Variants in FRMPD2 observed in about 807,000 individuals in gnomAD.
FRMPD2 encodes the protein FERM and PDZ domain-containing protein 2.
Under a neutral mutation model 140.1 loss-of-function variants are expected in FRMPD2, and 96 were observed. That is an observed-to-expected ratio of 0.69 (90% CI 0.58 to 0.81). The LOEUF (loss-of-function observed/expected upper bound fraction) is 0.81, where lower values mean the gene tolerates loss of function less well. FRMPD2 is among the 40% of genes least tolerant of loss of function. The pLI is 0.00. For missense variants in FRMPD2, 1,240 were observed against 1,447.4 expected (o/e 0.86, Z 2.32); for synonymous variants, 449 against 547.6 (o/e 0.82, Z 2.52).
intron 15 of FRMPD2, among the ~76,000 whole-genome samples, chr10:48,200,189 T>C (rs994798337): frequency 1.5e-5 from 2 of 137,592 alleles, no homozygotes; most frequent in African/African-American, 5.6e-5. Context: ...AATAAATAAA[T>C]AAATAAATAA....
chr10:48,216,989 G>C (rs1021705509), intron 12 of FRMPD2, among the ~76,000 whole-genome samples: 1 of 152,206 alleles, frequency 6.6e-6, no homozygotes, highest in African/African-American at 2.4e-5. Context: ...AAAGGGCAGG[G>C]AGGAGGTTAA....
intron 9 of FRMPD2, among the ~76,000 whole-genome samples, chr10:48,232,759 C>A (rs1418709500): frequency 6.6e-6 from 1 of 152,198 alleles, no homozygotes; most frequent in African/African-American, 2.4e-5. Flanking sequence ...TGGGTGGGTG[C>A]AGATCCAATG....
intron 1 of FRMPD2, among the ~76,000 whole-genome samples, chr10:48,270,249 G>C (rs997713366): frequency 2.0e-5 from 3 of 152,174 alleles, no homozygotes; most frequent in Non-Finnish European, 2.9e-5. Flanking sequence ...GGGCTTCGAT[G>C]ATGAGCGCTC....
intron 1 of FRMPD2, among the ~76,000 whole-genome samples, chr10:48,258,978 T>C (rs1840533267): frequency 6.6e-6 from 1 of 152,224 alleles, no homozygotes. Flanking sequence ...TTTAGAAACA[T>C]GTAAAGTCTA....
At chr10:48,214,856 C>A (rs1395482596) in intron 12 of FRMPD2, among the ~76,000 whole-genome samples, 1 of 152,202 alleles carries the variant, frequency 6.6e-6, no homozygotes, top group East Asian at 1.9e-4. Flanking sequence ...ACTGGGAAGG[C>A]ATGGCAGGCT....
chr10:48,222,507 T>C (rs1315987303), intron 11 of FRMPD2, 56 bp from the exon 12 acceptor site: 2 of 1,587,730 alleles, frequency 1.3e-6, no homozygotes, highest in East Asian at 2.2e-5. Flanking sequence ...GGGAGAATGT[T>C]AGCACCAGTG....
At chr10:48,164,191 C>G (rs1265361436) in intron 27 of FRMPD2, among the ~76,000 whole-genome samples, 1 of 150,602 alleles carries the variant, frequency 6.6e-6, no homozygotes, top group Non-Finnish European at 1.5e-5. Flanking sequence ...GCTGCCACTG[C>G]TTGACCTTCT....
intron 10 of FRMPD2, among the ~76,000 whole-genome samples, chr10:48,230,255 A>G (rs1839820762): frequency 6.6e-6 from 1 of 152,168 alleles, no homozygotes; most frequent in Non-Finnish European, 1.5e-5. Flanking sequence ...ACTATCCATA[A>G]GCATTCTTAT....
chr10:48,201,402 A>T lies in FRMPD2; in HGVS notation c.1798-18T>A, dbSNP rs1384744338. 6.2e-7 allele frequency: 1 copy of T among 1,612,036 alleles called. No individual in the cohort carries two copies. The highest frequency in any genetic ancestry group is 1.7e-4 in the Middle Eastern group (1 of 6,046). On this transcript the variant is annotated intron_variant, in intron 14 of 28. Transcript: ENST00000374201. ...TTTTTTTGCTGAAGGAAGCAAACAC[A>T]GACTTTAATACACTGATCATCCACA...
At chr10:48,247,604 A>G (rs1840280042) in intron 3 of FRMPD2, among the ~76,000 whole-genome samples, 1 of 152,178 alleles carries the variant, frequency 6.6e-6, no homozygotes, top group Non-Finnish European at 1.5e-5. Flanking sequence ...GAGAAAGAGG[A>G]GGGAAAACGT....
intron 1 of FRMPD2, among the ~76,000 whole-genome samples, chr10:48,270,446 A>G (rs1840747646): frequency 5.9e-5 from 9 of 152,244 alleles, no homozygotes; most frequent in Admixed American, 5.9e-4. Context: ...AAAGATGTAT[A>G]TTCAAAGATA....
At chr10:48,265,311 G>T (rs1309028069) in intron 1 of FRMPD2, among the ~76,000 whole-genome samples, 1 of 152,136 alleles carries the variant, frequency 6.6e-6, no homozygotes, top group Non-Finnish European at 1.5e-5. Context: ...CACTGGCAAA[G>T]ATTTTATTAC....
intron 1 of FRMPD2, among the ~76,000 whole-genome samples, chr10:48,254,180 C>T (rs374190060): frequency 2.0e-5 from 3 of 152,120 alleles, no homozygotes; most frequent in East Asian, 3.9e-4. Flanking sequence ...CACAGTGTTA[C>T]GGTGGAATGT....
rs2579686 is a variant in FRMPD2 at position 48,161,690 on chromosome 10, T to C, written c.3881+1638A>G. ...GGGTCATTCAAGAGGTAGCAAGTTC[T>C]GCATCCCTGCAGATATTCAAGCAAA... On this transcript the variant is annotated intron_variant, in intron 28 of 28. Transcript: ENST00000374201. 4.2e-3 allele frequency among the ~76,000 whole-genome samples: 626 copies of C among 147,570 alleles called. 5 individuals are homozygous for C. The highest frequency in any genetic ancestry group is 0.015 in the African/African-American group (576 of 38,332).
At chr10:48,256,722 G>A (rs1231391616) in intron 1 of FRMPD2, among the ~76,000 whole-genome samples, 1 of 152,150 alleles carries the variant, frequency 6.6e-6, no homozygotes, top group African/African-American at 2.4e-5. Flanking sequence ...TGCAGGATGG[G>A]GATGAGTCAC....
At chr10:48,179,798 A>G (rs1262062293) in intron 21 of FRMPD2, among the ~76,000 whole-genome samples, 1 of 152,218 alleles carries the variant, frequency 6.6e-6, no homozygotes, top group African/African-American at 2.4e-5. Context: ...AAAGAGGTGC[A>G]ATAACCTGCC....
At position 48,178,141 on chromosome 10, in the gene FRMPD2, G is replaced by T. The variant is rs200783524; in HGVS notation, c.2801C>A (p.Ser934Tyr). Residue 934 changes from serine to tyrosine, a missense_variant, in exon 22 of 29, where the codon TCT becomes TAT. Ser to Tyr is a moderately radical substitution (Grantham distance 144). This residue lies in a region of FRMPD2 where 25 missense variants were observed against 41.5 expected (regional missense o/e 0.60). Transcript: ENST00000374201. ...LSFLPLKGAG[S>Y]SCPPSPPEIS... is the part of the protein sequence containing the mutation. ...TTCTGGAGGTGATGGAGGACAAGAA[G>T]AACCAGCACCCTGCCATAAACAAAC... 1,649 of 1,525,474 alleles carry T rather than the reference G, an allele frequency of 1.1e-3. 26 individuals are homozygous for T. The highest frequency in any genetic ancestry group is 0.01 in the South Asian group (909 of 88,538). The allele number at this position is 1,525,474 out of a possible 1,614,324, so 94.5% of individuals were successfully genotyped here. A position where few individuals can be genotyped will look rare whatever the true frequency, so the allele number is the denominator to read the frequency against.
chr10:48,237,921 C>G, intron 8 of FRMPD2, 70 bp downstream of exon 8: 1 of 1,583,664 alleles, frequency 6.3e-7, no homozygotes, highest in Non-Finnish European at 8.7e-7. Context: ...TTTTCAGCCA[C>G]CGTGCCAGCC....
intron 23 of FRMPD2, among the ~76,000 whole-genome samples, 191 bp downstream of exon 23, chr10:48,175,655 C>G (rs1264739526): frequency 3.3e-5 from 5 of 152,000 alleles, no homozygotes; most frequent in African/African-American, 1.2e-4. Context: ...GACCCCCCAA[C>G]CTATCAAATG....
Sources: gnomAD v4.1 joint callset for allele counts (sites outside exome capture counted in the v4.1 genomes callset) on GRCh38, gnomAD v4.1.1 for gene constraint, gnomAD v4.1.1 regional missense constraint, MANE v1.5 for transcripts, NCBI Gene and HGNC (gene_info 2026-07-23, HGNC 2026-07-21) for gene names.